Variants in GTF2A2 observed in about 807,000 individuals in gnomAD.
GTF2A2 encodes the protein general transcription factor IIA subunit 2.
GTF2A2 carries 9 observed loss-of-function variants against 14.3 expected under a neutral mutation model. That is an observed-to-expected ratio of 0.63 (90% CI 0.38 to 1.10). The LOEUF is 1.10. Ranked by LOEUF, GTF2A2 falls within the 50% of genes least tolerant of loss-of-function variation. GTF2A2 has a pLI of 0.01. For missense variants in GTF2A2, 90 were observed against 124.6 expected, an observed-to-expected ratio of 0.72 and a Z score of 1.32; for synonymous variants, 56 against 46.0, an observed-to-expected ratio of 1.22 and a Z score of -0.88.
In GTF2A2 at chr15:59,642,809, CACGCTG is replaced by C. The variant is rs1293546058; in HGVS notation, c.178-553_178-548del. Among the ~76,000 whole-genome samples the C allele has an allele frequency of 2.6e-5, 4 of 152,264 alleles. No homozygotes were observed. In the East Asian group the frequency reaches 7.7e-4, roughly 29 times the overall value. ...TTGAGATGGAGTCTTGCTCTGTTGC[CACGCTG>C]GAGTGCAGTGGTGCGATCTTGGCTC... is the stretch of plus-strand genomic sequence containing the variant. On this transcript the variant is annotated intron_variant, in intron 3 of 4. Transcript: ENST00000396060.
At chr15:59,650,039 T>C (rs1306678308) in intron 3 of GTF2A2, among the ~76,000 whole-genome samples, 3 of 152,196 alleles carry the variant, frequency 2.0e-5, no homozygotes, top group Admixed American at 1.3e-4. Flanking sequence ...ATCAATACCA[T>C]AATGTGGTAA....
chr15:59,650,977 G>A (rs1325760806), intron 2 of GTF2A2, among the ~76,000 whole-genome samples: 1 of 152,240 alleles, frequency 6.6e-6, no homozygotes, highest in African/African-American at 2.4e-5. Context: ...AAACAATCTT[G>A]AAGAGAAAAC....
intron 3 of GTF2A2, chr15:59,644,280 T>C (rs1325103352): frequency 6.6e-6 from 1 of 152,190 alleles, no homozygotes. Flanking sequence ...CATGCACACA[T>C]ATAGTCACAT....
chr15:59,646,829 T>C (rs1366884021), intron 3 of GTF2A2, among the ~76,000 whole-genome samples: 1 of 152,050 alleles, frequency 6.6e-6, no homozygotes, highest in African/African-American at 2.4e-5. Flanking sequence ...ACGTAAGAAA[T>C]AATATAATCT....
intron 1 of GTF2A2, among the ~76,000 whole-genome samples, chr15:59,656,268 T>C (rs944389766): frequency 1.1e-4 from 16 of 152,216 alleles, no homozygotes; most frequent in Non-Finnish European, 1.9e-4. Flanking sequence ...CCTATCTGCC[T>C]GAATGCTCTT....
chr15:59,643,561 A>G (rs1233349459), intron 3 of GTF2A2, among the ~76,000 whole-genome samples: 2 of 149,336 alleles, frequency 1.3e-5, no homozygotes, highest in Admixed American at 6.7e-5. Context: ...AAGTAGGAAT[A>G]TATATATACT....
At chr15:59,654,060 T>C (rs1236911009) in intron 1 of GTF2A2, among the ~76,000 whole-genome samples, 1 of 152,188 alleles carries the variant, frequency 6.6e-6, no homozygotes, top group African/African-American at 2.4e-5. Context: ...GTCTCCTTAT[T>C]TCCAGTCTTG....
chr15:59,651,566 CAGA>C (rs1384016537), intron 2 of GTF2A2: 2 of 152,178 alleles, frequency 1.3e-5, no homozygotes, highest in African/African-American at 4.8e-5. Flanking sequence ...TTGTAAATCT[CAGA>C]AGACTTAAAT....
At chr15:59,649,651 T>C (rs1188943033) in intron 3 of GTF2A2, among the ~76,000 whole-genome samples, 5 of 152,242 alleles carry the variant, frequency 3.3e-5, no homozygotes, top group Admixed American at 1.3e-4. Flanking sequence ...AGATAATTTT[T>C]TGGCACATGA....
rs1333943135 is a variant in GTF2A2, at chr15:59,642,123, G to A, written c.304+13C>T. 1 of 1,596,972 alleles carries A rather than the reference G, an allele frequency of 6.3e-7. No homozygotes were observed. Among genetic ancestry groups the A allele is most frequent in the Non-Finnish European group, 8.5e-7 (1 of 1,173,032 alleles). Reference sequence around the variant, plus strand: ...TTTCAAGTAGCTTTCACAGAAATAAGGCAAGCACTTACTTTTACCATCACA... The same window carrying A: ...TTTCAAGTAGCTTTCACAGAAATAAAGCAAGCACTTACTTTTACCATCACA... On this transcript the variant is annotated intron_variant, in intron 4 of 4. Transcript: ENST00000396060.
At chr15:59,645,420 A>G (rs887108760) in intron 3 of GTF2A2, among the ~76,000 whole-genome samples, 3 of 152,176 alleles carry the variant, frequency 2.0e-5, no homozygotes, top group African/African-American at 7.2e-5. Context: ...CAGGCCAGGG[A>G]ATACGAGAAA....
At chr15:59,655,546 T>C (rs1316208242) in intron 1 of GTF2A2, among the ~76,000 whole-genome samples, 1 of 152,232 alleles carries the variant, frequency 6.6e-6, no homozygotes, top group African/African-American at 2.4e-5. Context: ...TCATCCTTCT[T>C]AATACTGTTT....
Position 59,650,735 on chromosome 15 carries a change from T to G in GTF2A2, c.111A>C (p.Leu37=). ...CATTTATAGCCTTATCAAACTGAAG[T>G]AGAACTTGAAGGGCAAGTTGGGGGG... ...QITPQLALQV[L]LQFDKAINAA... Residue 37 remains leucine, a synonymous_variant, in exon 3 of 5, where the codon CTA becomes CTC. Coordinates refer to ENST00000396060, the MANE Select transcript of GTF2A2 (RefSeq NM_004492.3). 3 of 1,611,400 alleles carry G rather than the reference T, an allele frequency of 1.9e-6. No homozygotes were observed. The highest frequency in any genetic ancestry group is 2.5e-6 in the Non-Finnish European group (3 of 1,177,646).
chr15:59,656,608 AC>A (rs1159407429), intron 1 of GTF2A2, among the ~76,000 whole-genome samples: 1 of 152,172 alleles, frequency 6.6e-6, no homozygotes, highest in East Asian at 1.9e-4. Context: ...TGTTCAGTAA[AC>A]GAAGGCAAAT....
At chr15:59,640,159 T>TACACCGTGCTGAAGTGTGAGACG (rs1246877208) in intron 4 of GTF2A2, 13 of 152,232 alleles carry the variant, frequency 8.5e-5, no homozygotes, top group Non-Finnish European at 1.6e-4. Context: ...GATCAATTAC[T>TACACCGTGCTGAAGTGTGAGACG]ACACCGTGCT....
At chr15:59,648,433 A>C (rs1394067759) in intron 3 of GTF2A2, among the ~76,000 whole-genome samples, 2 of 150,488 alleles carry the variant, frequency 1.3e-5, no homozygotes, top group Middle Eastern at 3.4e-3. Context: ...TAAATAAATA[A>C]ATAAAAGCCT....
At chr15:59,641,264 CAA>C (rs1205363257) in intron 4 of GTF2A2, among the ~76,000 whole-genome samples, 2 of 148,386 alleles carry the variant, frequency 1.3e-5, no homozygotes, top group African/African-American at 2.5e-5. Context: ...TACATTTTTG[CAA>C]AAAAAAGTTA....
At chr15:59,654,694 T>C (rs1388858231) in intron 1 of GTF2A2, among the ~76,000 whole-genome samples, 8 of 152,314 alleles carry the variant, frequency 5.3e-5, no homozygotes, top group African/African-American at 1.2e-4. Context: ...ATATTAGAAA[T>C]GTATCTGAGT....
intron 4 of GTF2A2, among the ~76,000 whole-genome samples, chr15:59,641,579 TAAAC>T (rs1261322448): frequency 1.3e-5 from 2 of 150,586 alleles, no homozygotes; most frequent in African/African-American, 5.0e-5. Context: ...AAAAAGGAAA[TAAAC>T]TAATCATGAA....
Sources: gnomAD v4.1 joint callset for allele counts (sites outside exome capture counted in the v4.1 genomes callset) on GRCh38, gnomAD v4.1.1 for gene constraint, MANE v1.5 for transcripts, NCBI Gene and HGNC (gene_info 2026-07-23, HGNC 2026-07-21) for gene names.